CEP70: variants seen among roughly 807,000 people sequenced by gnomAD.
The protein encoded by CEP70 is centrosomal protein 70, also known as centrosomal protein of 70 kDa.
A neutral mutation model predicts 90.9 loss-of-function variants in CEP70; 70 were observed. The ratio of observed to expected loss-of-function variants is 0.77; its 90% CI spans 0.64 to 0.94. The LOEUF is 0.94. Among genes scored for constraint, CEP70 ranks in the 40% least tolerant of loss-of-function variants. The pLI, the probability that CEP70 is intolerant of heterozygous loss-of-function variation, is 0.00. For synonymous variants in CEP70, 220 were observed against 228.3 expected (o/e 0.96, Z 0.33); for missense variants, 648 against 669.0 (o/e 0.97, Z 0.35).
At chr3:138,584,701 C>T (rs951103207) in intron 2 of CEP70, among the ~76,000 whole-genome samples, 1 of 151,764 alleles carries the variant, frequency 6.6e-6, no homozygotes, top group Non-Finnish European at 1.5e-5. Context: ...ACCATATGAT[C>T]GTTTCAACTG....
Position 138,509,597 on chromosome 3 carries a change from C to A in CEP70, c.945-1053G>T, listed in dbSNP as rs367826149. Among the ~76,000 whole-genome samples the A allele has an allele frequency of 4.6e-5, 7 of 152,188 alleles. No homozygotes were observed. In the South Asian group the frequency reaches 1.5e-3, roughly 32 times the overall value. The stretch of plus-strand genomic sequence containing the variant: ...AACAGTACAGTAGTACACGCTGATC[C>A]GTAGTTTCATTTTCCATGGTTTTAG... On this transcript the variant is annotated intron_variant, in intron 11 of 17. Coordinates refer to ENST00000264982, the MANE Select transcript of CEP70 (RefSeq NM_024491.4).
At chr3:138,566,985 G>T (rs943287083) in intron 6 of CEP70, among the ~76,000 whole-genome samples, 2 of 152,072 alleles carry the variant, frequency 1.3e-5, no homozygotes, top group African/African-American at 4.8e-5. Flanking sequence ...TCCATCAACA[G>T]ATGAATGGAT....
Position 138,497,115 on chromosome 3 carries a change from A to G in CEP70, c.1732+916T>C, listed in dbSNP as rs996970455. ...CATTTTCACTTGCTGTGATCTTTTT[A>G]AACATGAGGACAAGCCTAAAGCAAG... is the stretch of plus-strand genomic sequence containing the variant. On this transcript the variant is annotated intron_variant, in intron 17 of 17. Transcript: ENST00000264982. 2.8e-5 allele frequency: 29 copies of G among 1,054,114 alleles called. No homozygotes were observed. The African/African-American group carries it at 5.0e-4, about 18-fold the overall frequency. The allele number at this position is 1,054,114 out of a possible 1,614,324, so 65.3% of individuals were successfully genotyped here.
At chr3:138,497,196 C>T (rs1458427133) in intron 17 of CEP70, 1 of 1,187,816 alleles carries the variant, frequency 8.4e-7, no homozygotes, top group African/African-American at 1.6e-5. Context: ...CACAAAACTT[C>T]CTTTATGTTC....
At chr3:138,554,322 G>A (rs1461091561) in intron 6 of CEP70, among the ~76,000 whole-genome samples, 4 of 151,982 alleles carry the variant, frequency 2.6e-5, no homozygotes, top group Admixed American at 2.6e-4. Flanking sequence ...ACATAATACT[G>A]GAAAAGTATT....
intron 2 of CEP70, among the ~76,000 whole-genome samples, chr3:138,579,691 TG>T (rs2041748797): frequency 6.6e-6 from 1 of 151,856 alleles, no homozygotes; most frequent in Non-Finnish European, 1.5e-5. Flanking sequence ...AAAGAGCCCT[TG>T]GGCACTGAAT....
At chr3:138,569,936 G>A (rs1406355061) in intron 6 of CEP70, among the ~76,000 whole-genome samples, 4 of 152,142 alleles carry the variant, frequency 2.6e-5, no homozygotes, top group Non-Finnish European at 5.9e-5. Context: ...ATATCAAGTA[G>A]GCAGCTGGAT....
intron 2 of CEP70, among the ~76,000 whole-genome samples, chr3:138,582,597 C>T (rs2108245306): frequency 1.3e-5 from 2 of 151,890 alleles, no homozygotes; most frequent in East Asian, 3.9e-4. Context: ...TAGTGAAACC[C>T]CATCTCTACT....
rs573732113 is a variant in CEP70 at position 138,525,076 on chromosome 3, A to T, written c.944+414T>A. Among the ~76,000 whole-genome samples the T allele has an allele frequency of 1.8e-4, 27 of 152,308 alleles. 1 individual carries two copies. The highest frequency in any genetic ancestry group is 3.4e-3 in the Middle Eastern group (1 of 294). On this transcript the variant is annotated intron_variant, in intron 11 of 17. Coordinates refer to ENST00000264982, the MANE Select transcript of CEP70 (RefSeq NM_024491.4). The stretch of plus-strand genomic sequence containing the variant: ...TGGCACATATACACCATGGAATACT[A>T]TGCAGCCATAAAAAATGATGAGTTC...
At chr3:138,503,117 C>T (rs374667422) in intron 13 of CEP70, among the ~76,000 whole-genome samples, 1 of 152,126 alleles carries the variant, frequency 6.6e-6, no homozygotes, top group South Asian at 2.1e-4. Context: ...ACCAACATCA[C>T]CATCCATCTC....
intron 17 of CEP70, among the ~76,000 whole-genome samples, chr3:138,495,580 A>C (rs2033901829): frequency 6.6e-6 from 1 of 152,200 alleles, no homozygotes; most frequent in Non-Finnish European, 1.5e-5. Flanking sequence ...AGCTGGGTGC[A>C]GTGGCTCATG....
intron 10 of CEP70, among the ~76,000 whole-genome samples, chr3:138,528,289 C>G (rs900011394): frequency 6.6e-6 from 1 of 152,136 alleles, no homozygotes. Flanking sequence ...AGCAATCCAC[C>G]TGCCTCAGCC....
intron 8 of CEP70, chr3:138,531,595 C>A (rs1174640837): frequency 1.3e-5 from 2 of 152,046 alleles, no homozygotes; most frequent in African/African-American, 2.4e-5. Context: ...TCAGAAGGTC[C>A]CTGAAGCTAC....
At chr3:138,526,521 T>C (rs1402253527) in intron 10 of CEP70, among the ~76,000 whole-genome samples, 1 of 152,172 alleles carries the variant, frequency 6.6e-6, no homozygotes, top group African/African-American at 2.4e-5. Context: ...ACCCCAGAGT[T>C]TGGGACAGTG....
intron 6 of CEP70, among the ~76,000 whole-genome samples, chr3:138,541,625 T>G (rs181182807): frequency 6.6e-6 from 1 of 152,164 alleles, no homozygotes. Context: ...ATAAAACCCA[T>G]TGGTAAAAGT....
intron 6 of CEP70, among the ~76,000 whole-genome samples, chr3:138,538,599 A>C (rs1424325532): frequency 6.6e-6 from 1 of 152,248 alleles, no homozygotes; most frequent in Non-Finnish European, 1.5e-5. Context: ...CAATGAGAAG[A>C]CATAGATATA....
chr3:138,562,463 G>A (rs528472595), intron 6 of CEP70, among the ~76,000 whole-genome samples: 1 of 152,248 alleles, frequency 6.6e-6, no homozygotes, highest in African/African-American at 2.4e-5. Context: ...CAGAGAAAAA[G>A]GTTGGGGTTA....
chr3:138,584,999 G>A (rs998139267), intron 2 of CEP70, among the ~76,000 whole-genome samples: 3 of 152,044 alleles, frequency 2.0e-5, no homozygotes, highest in African/African-American at 7.2e-5. Context: ...GCTGTAGTTA[G>A]GACTAGAATT....
At chr3:138,557,442 A>G (rs1483757346) in intron 6 of CEP70, among the ~76,000 whole-genome samples, 5 of 152,230 alleles carry the variant, frequency 3.3e-5, no homozygotes, top group Non-Finnish European at 7.3e-5. Flanking sequence ...TGATTGGGGA[A>G]GTGATAAGCG....
Sources: allele counts gnomAD v4.1 joint callset (sites outside exome capture counted in the v4.1 genomes callset), GRCh38; gene constraint gnomAD v4.1.1; transcripts MANE v1.5; gene names NCBI Gene and HGNC (gene_info 2026-07-23, HGNC 2026-07-21).